The following DPP10 variants were observed in gnomAD, a reference collection of about 807,000 sequenced individuals.
The protein encoded by DPP10 is dipeptidyl peptidase like 10.
DPP10 carries 33 observed loss-of-function variants against 120.9 expected under a neutral mutation model. The ratio of observed to expected loss-of-function variants is 0.27; its 90% CI spans 0.21 to 0.37. The LOEUF is 0.37. Among genes scored for constraint, DPP10 ranks in the 10% least tolerant of loss-of-function variants. The pLI is 1.00. For synonymous variants in DPP10, 337 were observed against 326.1 expected (o/e 1.03, Z -0.36); for missense variants, 816 against 942.8 (o/e 0.87, Z 1.76).
intron 5 of DPP10, among the ~76,000 whole-genome samples, chr2:115,532,467 CTAAT>C (rs746938874): frequency 1.3e-5 from 2 of 151,908 alleles, no homozygotes; most frequent in Non-Finnish European, 2.9e-5. Flanking sequence ...CAACTAATTC[CTAAT>C]TAATTAATTG....
chr2:115,245,577 C>T (rs960994921), intron 1 of DPP10, among the ~76,000 whole-genome samples: 2 of 152,006 alleles, frequency 1.3e-5, no homozygotes, highest in African/African-American at 4.8e-5. Flanking sequence ...TGGAGCTTCC[C>T]TAAAAAACCA....
intron 10 of DPP10, among the ~76,000 whole-genome samples, chr2:115,751,095 T>C (rs1219879510): frequency 4.6e-5 from 7 of 152,176 alleles, no homozygotes; most frequent in African/African-American, 1.7e-4. Context: ...CAGTCTTTGG[T>C]TAGTTGTTTA....
chr2:114,912,690 AG>A (rs1694459430), intron 1 of DPP10, among the ~76,000 whole-genome samples: 1 of 152,188 alleles, frequency 6.6e-6, no homozygotes, highest in Admixed American at 6.5e-5. Flanking sequence ...GCTGAGCACC[AG>A]GACTCATTTT....
At chr2:114,781,287 A>T (rs1218236950) in intron 1 of DPP10, among the ~76,000 whole-genome samples, 1 of 152,164 alleles carries the variant, frequency 6.6e-6, no homozygotes, top group African/African-American at 2.4e-5. Flanking sequence ...GCCTTAAAGA[A>T]AAAGTTGGAA....
intron 1 of DPP10, among the ~76,000 whole-genome samples, chr2:114,623,899 A>T (rs183853744): frequency 3.3e-5 from 5 of 152,110 alleles, no homozygotes; most frequent in African/African-American, 1.2e-4. Context: ...TACTCTATTT[A>T]GTATTTAAAA....
At chr2:114,492,878 A>G (rs1355156378) in intron 1 of DPP10, among the ~76,000 whole-genome samples, 1 of 152,198 alleles carries the variant, frequency 6.6e-6, no homozygotes, top group African/African-American at 2.4e-5. Flanking sequence ...TTGGGCATCT[A>G]TAAGCTGTCC....
chr2:114,969,040 C>T (rs1351810785), intron 1 of DPP10, among the ~76,000 whole-genome samples: 1 of 152,124 alleles, frequency 6.6e-6, no homozygotes, highest in Admixed American at 6.5e-5. Flanking sequence ...CAAACACTTT[C>T]CTGTTAATCT....
chr2:114,974,572 C>A (rs1699626400), intron 1 of DPP10, among the ~76,000 whole-genome samples: 1 of 151,928 alleles, frequency 6.6e-6, no homozygotes, highest in Non-Finnish European at 1.5e-5. Flanking sequence ...CCATGCCCAG[C>A]TAAATTTTGT....
chr2:114,641,589 C>T (rs1304074967), intron 1 of DPP10, among the ~76,000 whole-genome samples: 1 of 151,940 alleles, frequency 6.6e-6, no homozygotes, highest in Non-Finnish European at 1.5e-5. Context: ...AATTCACTGT[C>T]ATTTAACTGA....
At chr2:114,583,188 G>A (rs1690683369) in intron 1 of DPP10, among the ~76,000 whole-genome samples, 1 of 152,134 alleles carries the variant, frequency 6.6e-6, no homozygotes, top group Non-Finnish European at 1.5e-5. Context: ...ATGTGCTTTT[G>A]TAATCATAGC....
chr2:115,777,103 G>A (rs772868434), intron 13 of DPP10, 105 bp from the exon 14 acceptor site: 13 of 942,970 alleles, frequency 1.4e-5, no homozygotes, highest in Middle Eastern at 2.2e-4. Context: ...AGTGTTAACT[G>A]AGAATTAGAG....
intron 19 of DPP10, among the ~76,000 whole-genome samples, chr2:115,805,428 A>G (rs538514225): frequency 1.3e-5 from 2 of 151,896 alleles, no homozygotes; most frequent in South Asian, 4.2e-4. Context: ...GGTGCGCTGT[A>G]CCCACTGTCC....
At chr2:114,766,626 T>C (rs11890570) in intron 1 of DPP10, among the ~76,000 whole-genome samples, 16,382 of 152,110 alleles carry the variant, frequency 0.11, 2,213 homozygotes, top group African/African-American at 0.32. Flanking sequence ...CTATAAGCAA[T>C]AACCTGGATG....
chr2:114,837,606 G>A (rs1285447605), intron 1 of DPP10, among the ~76,000 whole-genome samples: 1 of 152,106 alleles, frequency 6.6e-6, no homozygotes, highest in Admixed American at 6.6e-5. Flanking sequence ...TGAAGATCTT[G>A]AAAAATGTGG....
chr2:114,542,336 C>A (rs748344505), intron 1 of DPP10, among the ~76,000 whole-genome samples: 4 of 152,060 alleles, frequency 2.6e-5, no homozygotes, highest in Non-Finnish European at 5.9e-5. Context: ...GCATGAGCCA[C>A]CGTGCCTGGC....
At chr2:115,184,945 G>T (rs2105175396) in intron 1 of DPP10, among the ~76,000 whole-genome samples, 1 of 152,298 alleles carries the variant, frequency 6.6e-6, no homozygotes, top group Middle Eastern at 3.4e-3. Context: ...GAAGACAAAG[G>T]ATACAATCAT....
At chr2:115,075,427 C>T (rs541847633) in intron 1 of DPP10, among the ~76,000 whole-genome samples, 1 of 152,226 alleles carries the variant, frequency 6.6e-6, no homozygotes, top group Admixed American at 6.5e-5. Context: ...GGGGAAGTCC[C>T]AGATGAAAAA....
intron 5 of DPP10, among the ~76,000 whole-genome samples, chr2:115,537,039 G>C (rs1377604057): frequency 1.3e-5 from 2 of 152,008 alleles, no homozygotes; most frequent in Admixed American, 6.6e-5. Context: ...ACATAATGGA[G>C]TCATCATTTG....
chr2:115,606,994 G>A lies in DPP10; in HGVS notation c.441+81022G>A, dbSNP rs1014637847. Among the ~76,000 whole-genome samples, 34 of 152,188 alleles carry A rather than the reference G, an allele frequency of 2.2e-4. 1 individual carries two copies. On this transcript the variant is annotated intron_variant, in intron 5 of 25. Transcript: ENST00000410059. ...CCCTTGGCCATGTGAGGTTGGGATAGCTCTTAATTAGTCTGCAACTCCAAA... is the reference window on the plus strand; with the variant it reads ...CCCTTGGCCATGTGAGGTTGGGATAACTCTTAATTAGTCTGCAACTCCAAA...
Sources: allele counts gnomAD v4.1 joint callset (sites outside exome capture counted in the v4.1 genomes callset), GRCh38; gene constraint gnomAD v4.1.1; transcripts MANE v1.5; gene names NCBI Gene and HGNC (gene_info 2026-07-23, HGNC 2026-07-21).